Variants in ABCA13 observed in about 807,000 individuals in gnomAD.
ABCA13 encodes the protein ATP-binding cassette sub-family A member 13.
In ABCA13, 476 loss-of-function variants were observed where a neutral mutation model predicts 478.7. That is an observed-to-expected ratio of 0.99 (90% CI 0.92 to 1.07). The LOEUF is 1.07. Ranked by LOEUF, ABCA13 falls within the 50% of genes least tolerant of loss-of-function variation. The pLI is 0.00. For synonymous variants in ABCA13, 2,252 were observed against 2,158.9 expected (o/e 1.04, Z -1.20); for missense variants, 6,060 against 5,910.6 (o/e 1.03, Z -0.83).
intron 35 of ABCA13, among the ~76,000 whole-genome samples, chr7:48,384,265 A>G (rs1322888185): frequency 6.6e-6 from 1 of 152,068 alleles, no homozygotes; most frequent in Non-Finnish European, 1.5e-5. Context: ...ATTTCCACAC[A>G]CTCATTGTTC....
chr7:48,495,182 A>T (rs1203638556), intron 48 of ABCA13, among the ~76,000 whole-genome samples: 1 of 152,224 alleles, frequency 6.6e-6, no homozygotes, highest in Admixed American at 6.5e-5. Flanking sequence ...AAGTTCAAGG[A>T]TAAAGAAAAA....
intron 3 of ABCA13, among the ~76,000 whole-genome samples, chr7:48,210,595 C>G (rs370232118): frequency 6.6e-6 from 1 of 151,706 alleles, no homozygotes; most frequent in African/African-American, 2.4e-5. Flanking sequence ...TCTTCATTGA[C>G]CCAGTGGTAA....
chr7:48,446,386 T>TAAAAAAAAAAAAAAAAAAAAAAAAAAA (rs1168931209), intron 42 of ABCA13, among the ~76,000 whole-genome samples: 1 of 95,472 alleles, frequency 1.0e-5, no homozygotes, highest in Non-Finnish European at 2.6e-5. Flanking sequence ...GTCATGCCCT[T>TAAAAAAAAAAAAAAAAAAAAAAAAAAA]TAAAAAAAAA....
rs979859424 is a variant in ABCA13 at position 48,326,881 on chromosome 7, A to G, written c.10000-8541A>G. On this transcript the variant is annotated intron_variant, in intron 27 of 61. Coordinates refer to ENST00000435803, the MANE Select transcript of ABCA13 (RefSeq NM_152701.5). ...TGGCCTTAAGCTGCCAAATTGGAATATCGGGTTATGATGGGCAGAGATCAG... is the reference window on the plus strand; with the variant it reads ...TGGCCTTAAGCTGCCAAATTGGAATGTCGGGTTATGATGGGCAGAGATCAG... 6.6e-5 allele frequency among the ~76,000 whole-genome samples: 10 copies of G among 152,312 alleles called. No homozygotes were observed. The South Asian group carries it at 1.0e-3, about 16-fold the overall frequency.
intron 1 of ABCA13, 68 bp downstream of exon 1, chr7:48,171,620 TC>T (rs1449254145): frequency 8.4e-5 from 126 of 1,498,108 alleles, no homozygotes; most frequent in Non-Finnish European, 1.1e-4. Context: ...GTCTATTCTT[TC>T]CTGCCTGCCT....
At chr7:48,483,979 G>A (rs1337686270) in intron 47 of ABCA13, among the ~76,000 whole-genome samples, 2 of 152,158 alleles carry the variant, frequency 1.3e-5, no homozygotes, top group Non-Finnish European at 2.9e-5. Context: ...GTAGTGTGTG[G>A]ATGTTGTGTC....
At chr7:48,422,966 A>C (rs875812) in intron 41 of ABCA13, among the ~76,000 whole-genome samples, 38,169 of 152,142 alleles carry the variant, frequency 0.25, 4,856 homozygotes, top group East Asian at 0.29. Context: ...GGAGTATATT[A>C]TCCCTTGATT....
intron 3 of ABCA13, among the ~76,000 whole-genome samples, chr7:48,215,925 G>A (rs529495455): frequency 2.2e-4 from 34 of 152,230 alleles, no homozygotes; most frequent in African/African-American, 8.2e-4. Flanking sequence ...CATTCATGTT[G>A]TAGCATCTAA....
chr7:48,336,569 A>AG (rs538835186), intron 28 of ABCA13, among the ~76,000 whole-genome samples: 6 of 152,170 alleles, frequency 3.9e-5, no homozygotes, highest in Non-Finnish European at 4.4e-5. Flanking sequence ...TTATCAAGGT[A>AG]GGGGTCCCAT....
chr7:48,483,914 T>G (rs1829034987), intron 47 of ABCA13, among the ~76,000 whole-genome samples: 1 of 152,194 alleles, frequency 6.6e-6, no homozygotes, highest in Admixed American at 6.5e-5. Context: ...TTAAGTCCAC[T>G]GCGGGAGAGT....
chr7:48,608,213 A>G (rs746163257), intron 58 of ABCA13, among the ~76,000 whole-genome samples: 6 of 152,132 alleles, frequency 3.9e-5, no homozygotes, highest in Admixed American at 6.5e-5. Flanking sequence ...CATAGGAGTC[A>G]CTCTGTTTAT....
chr7:48,592,166 A>G (rs1196690447), intron 57 of ABCA13, among the ~76,000 whole-genome samples: 1 of 150,424 alleles, frequency 6.6e-6, no homozygotes, highest in African/African-American at 2.5e-5. Context: ...AGTTTCTTCA[A>G]TTGCAAAGGT....
chr7:48,630,285 G>A (rs1794059367), intron 59 of ABCA13, among the ~76,000 whole-genome samples: 1 of 152,052 alleles, frequency 6.6e-6, no homozygotes, highest in African/African-American at 2.4e-5. Context: ...CATCCTATAG[G>A]TAGTTTCTCA....
At chr7:48,258,629 T>C (rs1264381464) in intron 15 of ABCA13, among the ~76,000 whole-genome samples, 1 of 152,162 alleles carries the variant, frequency 6.6e-6, no homozygotes. Context: ...TGTTTTCTGC[T>C]AGCTTGCTTG....
In ABCA13 at chr7:48,427,088, C is replaced by T. The variant is rs142897976; in HGVS notation, c.12460-678C>T. On this transcript the variant is annotated intron_variant, in intron 41 of 61. Transcript: ENST00000435803. ...CTTTCCATCACTCCATAAATCCCTGCCAGCGATCCAGGTGCAGCTCAAGGC... is the reference window on the plus strand; with the variant it reads ...CTTTCCATCACTCCATAAATCCCTGTCAGCGATCCAGGTGCAGCTCAAGGC... 9.9e-5 allele frequency among the ~76,000 whole-genome samples: 15 copies of T among 152,270 alleles called. 1 individual carries two copies. In the East Asian group the frequency reaches 2.9e-3, roughly 29 times the overall value.
Position 48,594,774 on chromosome 7 carries a change from A to T in ABCA13, c.14705A>T (p.Glu4902Val). ...KRYLWQTIMK[E>V]VREGCAAVLT... ...TACCTGTGGCAAACAATAATGAAGG[A>T]GGTTCGGGAAGGCTGTGCTGCGGTG... The change falls in exon 58 of 62, where the codon GAG (glutamate) becomes GTG (valine). Residue 4902 changes from glutamate (E) to valine (V), a missense_variant. By Grantham distance (121) the Glu-to-Val change is moderately radical. Transcript: ENST00000435803. 1 of 1,613,936 alleles carries T rather than the reference A, an allele frequency of 6.2e-7. No individual in the cohort carries two copies. Among genetic ancestry groups the T allele is most frequent in the Non-Finnish European group, 8.5e-7 (1 of 1,179,844 alleles).
intron 44 of ABCA13, among the ~76,000 whole-genome samples, chr7:48,469,104 A>T (rs962377315): frequency 1.3e-5 from 2 of 152,232 alleles, no homozygotes; most frequent in Admixed American, 1.3e-4. Flanking sequence ...TTAATGGTTT[A>T]GTACAGAACA....
At chr7:48,626,545 CA>C in intron 59 of ABCA13, 2 of 907,190 alleles carry the variant, frequency 2.2e-6, no homozygotes, top group Non-Finnish European at 2.6e-6. Flanking sequence ...CAAAGGGAAG[CA>C]AAAAGAAACA....
chr7:48,294,721 C>T (rs1015778808), intron 20 of ABCA13, among the ~76,000 whole-genome samples: 2 of 152,130 alleles, frequency 1.3e-5, no homozygotes, highest in Non-Finnish European at 2.9e-5. Flanking sequence ...GCTGGGATTA[C>T]AGGCGTGAGC....
Sources: gnomAD v4.1 joint callset for allele counts (sites outside exome capture counted in the v4.1 genomes callset) on GRCh38, gnomAD v4.1.1 for gene constraint, MANE v1.5 for transcripts, NCBI Gene and HGNC (gene_info 2026-07-23, HGNC 2026-07-21) for gene names.